The following CEP170B variants were observed in gnomAD, a reference collection of about 807,000 sequenced individuals.
CEP170B encodes the protein centrosomal protein 170B.
In CEP170B, 55 loss-of-function variants were observed where a neutral mutation model predicts 120.6. The observed-to-expected ratio is 0.46, with a 90% confidence interval of 0.37 to 0.57. CEP170B has a LOEUF of 0.57. CEP170B is among the 20% of genes least tolerant of loss of function. The pLI is 0.00. For synonymous variants in CEP170B, 1,033 were observed against 954.5 expected, an observed-to-expected ratio of 1.08 and a Z score of -1.52; for missense variants, 2,212 against 2,253.3, an observed-to-expected ratio of 0.98 and a Z score of 0.37.
In CEP170B at chr14:104,893,111, C is replaced by G; in HGVS notation, c.4014C>G (p.Ala1338=). The change falls in exon 14 of 19, where the codon GCC becomes GCG. Residue 1338 remains alanine (A), a synonymous_variant. Coordinates refer to ENST00000414716, the MANE Select transcript of CEP170B (RefSeq NM_001112726.3). ...ASLSNMPSTP[A]STISAREELV... Reference sequence around the variant, plus strand: ...TCAGCAACATGCCCAGCACCCCCGCCTCGACCATCTCTGCCCGGGAGGAGG... The same window carrying G: ...TCAGCAACATGCCCAGCACCCCCGCGTCGACCATCTCTGCCCGGGAGGAGG... 6.2e-7 allele frequency: 1 copy of G among 1,609,516 alleles called. No individual in the cohort carries two copies. Among genetic ancestry groups the G allele is most frequent in the Non-Finnish European group, 8.5e-7 (1 of 1,179,254 alleles).
At chr14:104,872,289 CGT>C (rs1298559637) in intron 2 of CEP170B, among the ~76,000 whole-genome samples, 2 of 57,154 alleles carry the variant, frequency 3.5e-5, no homozygotes, top group Non-Finnish European at 8.2e-5. Flanking sequence ...GTGTGTGCCG[CGT>C]GTGTGTGCCA....
At chr14:104,890,381 G>A (rs1195155351) in intron 13 of CEP170B, among the ~76,000 whole-genome samples, 3 of 144,776 alleles carry the variant, frequency 2.1e-5, no homozygotes, top group Non-Finnish European at 3.0e-5. Flanking sequence ...TGGGTGGATG[G>A]ATGGATGAGT....
At position 104,887,347 on chromosome 14, in the gene CEP170B, G is replaced by A. The variant is rs1462916565; in HGVS notation, c.3108G>A (p.Arg1036=). ...VRRSAIRRGH[R]PRGSLDWPSE... ...GCTCAGCCATAAGGCGTGGCCACAG[G>A]CCCCGAGGGTCCCTGGATTGGCCCA... is the stretch of plus-strand genomic sequence containing the variant. Residue 1036 remains arginine, a synonymous_variant, in exon 12 of 19, where the codon AGG becomes AGA. Transcript: ENST00000414716. 1.2e-6 allele frequency: 2 copies of A among 1,611,626 alleles called. No individual in the cohort carries two copies. The highest frequency in any genetic ancestry group is 4.5e-5 in the East Asian group (2 of 44,858).
intron 5 of CEP170B, among the ~76,000 whole-genome samples, chr14:104,878,902 T>C (rs763588335): frequency 6.6e-6 from 1 of 152,104 alleles, no homozygotes; most frequent in Non-Finnish European, 1.5e-5. Context: ...AAATGGCTCA[T>C]TGGGTGAGCT....
chr14:104,868,636 C>T lies in CEP170B; in HGVS notation c.105+81C>T, dbSNP rs1895309961. The T allele has an allele frequency of 7.4e-7, 1 of 1,347,022 alleles. No individual in the cohort carries two copies. The highest frequency in any genetic ancestry group is 2.1e-5 in the Admixed American group (1 of 46,698). 83.4% of individuals were successfully genotyped at this position (1,347,022 alleles called of 1,614,324 possible). A position where few individuals can be genotyped will look rare whatever the true frequency, so the allele number is the denominator to read the frequency against. ...GGAGGCCAGGAAGGTGCCCACCCCA[C>T]TTGCTGCAGGCCACCCTGGCGAGGA... On this transcript the variant is annotated intron_variant, in intron 2 of 18. Transcript: ENST00000414716. This position sits in a 1 kb window ranked among gnomAD's most constrained non-coding sequence, Gnocchi z 5.9.
intron 14 of CEP170B, 53 bp downstream of exon 14, chr14:104,893,188 TCAG>T: frequency 6.4e-7 from 1 of 1,553,522 alleles, no homozygotes; most frequent in Non-Finnish European, 8.7e-7. Flanking sequence ...TCGAGGAGGG[TCAG>T]GCCAGGTCCC....
chr14:104,875,604 C>T lies in CEP170B; in HGVS notation c.106-652C>T, dbSNP rs892459771. Among the ~76,000 whole-genome samples, 22 of 152,084 alleles carry T rather than the reference C, an allele frequency of 1.4e-4. No homozygotes were observed. In the South Asian group the frequency reaches 2.5e-3, roughly 17 times the overall value. ...TCGCAGTGCTGTGTGGAGTGGAGGC[C>T]GAGTGGGCAGCAGCCGTGCTCGCAG... On this transcript the variant is annotated intron_variant, in intron 2 of 18. Transcript: ENST00000414716.
chr14:104,868,277 C>T lies in CEP170B; in HGVS notation c.-27-147C>T, dbSNP rs1595304008. 1.5e-5 allele frequency: 9 copies of T among 608,476 alleles called. No individual in the cohort carries two copies. Among genetic ancestry groups the T allele is most frequent in the Non-Finnish European group, 2.6e-5 (9 of 346,612 alleles). The allele number at this position is 608,476 out of a possible 1,614,324, so 37.7% of individuals were successfully genotyped here. A position where few individuals can be genotyped will look rare whatever the true frequency, so the allele number is the denominator to read the frequency against. ...GACTCGGGACCATACCCAGGGAGGGCGGGTGGCCTGATGAGGCTGGAGCCC... is the reference window on the plus strand; with the variant it reads ...GACTCGGGACCATACCCAGGGAGGGTGGGTGGCCTGATGAGGCTGGAGCCC... On this transcript the variant is annotated intron_variant, in intron 1 of 18. Coordinates refer to ENST00000414716, the MANE Select transcript of CEP170B (RefSeq NM_001112726.3). The surrounding 1 kb of genome is among the most constrained non-coding windows in gnomAD (Gnocchi z 5.9).
At chr14:104,878,148 C>T (rs1407072619) in intron 4 of CEP170B, among the ~76,000 whole-genome samples, 185 bp downstream of exon 4, 1 of 151,948 alleles carries the variant, frequency 6.6e-6, no homozygotes, top group Non-Finnish European at 1.5e-5. Context: ...GTCCCTGCAG[C>T]CCGGCCCCCC....
chr14:104,892,580 A>G (rs1420172424), intron 13 of CEP170B, among the ~76,000 whole-genome samples: 1 of 151,768 alleles, frequency 6.6e-6, no homozygotes, highest in Admixed American at 6.6e-5. Context: ...AGAGCTGGGC[A>G]CCCGTGGCAC....
Position 104,896,544 on chromosome 14 carries a change from G to A in CEP170B, c.*1586G>A. 2.2e-6 allele frequency: 1 copy of A among 455,470 alleles called. No individual in the cohort carries two copies. The highest frequency in any genetic ancestry group is 1.5e-5 in the South Asian group (1 of 64,528). The allele number at this position is 455,470 out of a possible 1,614,324, so 28.2% of individuals were successfully genotyped here. ...GCTGTGCAATGTTTTAAGTTCACAA[G>A]TTCCTGCTCCTCCCCACACTGAGCT... On this transcript the variant is annotated 3_prime_UTR_variant, in exon 19 of 19. Coordinates refer to ENST00000414716, the MANE Select transcript of CEP170B (RefSeq NM_001112726.3).
In CEP170B at chr14:104,887,790, G is replaced by A. The variant is rs1896604434; in HGVS notation, c.3551G>A (p.Ser1184Asn). Residue 1184 changes from serine to asparagine, a missense_variant, in exon 12 of 19, where the codon AGT becomes AAT. Coordinates refer to ENST00000414716, the MANE Select transcript of CEP170B (RefSeq NM_001112726.3). ...CGGGCCGGCTCCTTCACAGGGACTA[G>A]TGACCCCGAGGCAGCCCCTGCCCGC... is the stretch of plus-strand genomic sequence containing the variant. ...RKRAGSFTGT[S>N]DPEAAPARTS... 1 of 1,586,354 alleles carries A rather than the reference G, an allele frequency of 6.3e-7. No individual in the cohort carries two copies. Among genetic ancestry groups the A allele is most frequent in the Non-Finnish European group, 8.6e-7 (1 of 1,168,462 alleles).
chr14:104,896,175 G>T lies in CEP170B; in HGVS notation c.*1217G>T. On this transcript the variant is annotated 3_prime_UTR_variant, in exon 19 of 19. Coordinates refer to ENST00000414716, the MANE Select transcript of CEP170B (RefSeq NM_001112726.3). The stretch of plus-strand genomic sequence containing the variant: ...GGCAATGGTATGAGAGTCGGACCTG[G>T]ACAGGGCCAGCTGCTGGGGGAGCGG... 4.8e-6 allele frequency: 1 copy of T among 207,944 alleles called. No individual in the cohort carries two copies. The highest frequency in any genetic ancestry group is 1.0e-5 in the Non-Finnish European group (1 of 99,620). 12.9% of individuals were successfully genotyped at this position (207,944 alleles called of 1,614,324 possible). A position where few individuals can be genotyped will look rare whatever the true frequency, so the allele number is the denominator to read the frequency against.
At position 104,893,086 on chromosome 14, in the gene CEP170B, T is replaced by G; in HGVS notation, c.3989T>G (p.Leu1330Arg). The change falls in exon 14 of 19, where the codon CTC becomes CGC. Residue 1330 changes from leucine (L) to arginine (R), a missense_variant. By Grantham distance (102) the Leu-to-Arg change is moderately radical. Coordinates refer to ENST00000414716, the MANE Select transcript of CEP170B (RefSeq NM_001112726.3). Reference sequence around the variant, plus strand: ...TCGGAGCCTGCCCACAGCGCCTCCCTCAGCAACATGCCCAGCACCCCCGCC... The same window carrying G: ...TCGGAGCCTGCCCACAGCGCCTCCCGCAGCAACATGCCCAGCACCCCCGCC... ...GSSEPAHSAS[L>R]SNMPSTPAST... The G allele has an allele frequency of 1.9e-6, 3 of 1,607,780 alleles. No individual in the cohort carries two copies. The highest frequency in any genetic ancestry group is 2.2e-5 in the South Asian group (2 of 90,052).
At chr14:104,880,930 C>T (rs1242734028) in intron 6 of CEP170B, among the ~76,000 whole-genome samples, 1 of 151,890 alleles carries the variant, frequency 6.6e-6, no homozygotes, top group African/African-American at 2.4e-5. Context: ...ACCCACACTG[C>T]TCACCCCTGT....
At chr14:104,871,214 G>A (rs1895467493) in intron 2 of CEP170B, among the ~76,000 whole-genome samples, 1 of 152,180 alleles carries the variant, frequency 6.6e-6, no homozygotes, top group African/African-American at 2.4e-5. Context: ...TCCACATGCT[G>A]CCTGGAGCCT....
At chr14:104,888,780 C>T (rs1234176976) in intron 12 of CEP170B, among the ~76,000 whole-genome samples, 1 of 152,258 alleles carries the variant, frequency 6.6e-6, no homozygotes, top group Non-Finnish European at 1.5e-5. Flanking sequence ...CCTCCCACAG[C>T]CCCACCCCAA....
intron 13 of CEP170B, among the ~76,000 whole-genome samples, chr14:104,890,343 T>TGA (rs1376189841): frequency 1.2e-5 from 1 of 82,660 alleles, no homozygotes; most frequent in African/African-American, 4.1e-5. Context: ...GATGGATGAG[T>TGA]GTGTGGATGG....
At position 104,886,753 on chromosome 14, in the gene CEP170B, C is replaced by G. The variant is rs775596743; in HGVS notation, c.2514C>G (p.Val838=). ...CCCCAGCACGGGATGGCGTCTATGT[C>G]AGTGCCAATGGGAGAATGGTCATCC... ...PSPPARDGVY[V]SANGRMVIQL... is the part of the protein sequence containing the mutation. Residue 838 remains valine (V), a synonymous_variant, in exon 12 of 19, where the codon GTC becomes GTG. Coordinates refer to ENST00000414716, the MANE Select transcript of CEP170B (RefSeq NM_001112726.3). 3 of 1,611,390 alleles carry G rather than the reference C, an allele frequency of 1.9e-6. No homozygotes were observed. The highest frequency in any genetic ancestry group is 2.5e-6 in the Non-Finnish European group (3 of 1,179,364).
Sources: gnomAD v4.1 joint callset for allele counts (sites outside exome capture counted in the v4.1 genomes callset) on GRCh38, gnomAD v4.1.1 for gene constraint, Gnocchi (gnomAD v3.1) non-coding constraint, MANE v1.5 for transcripts, NCBI Gene and HGNC (gene_info 2026-07-23, HGNC 2026-07-21) for gene names.